SYTL3: variants seen among roughly 807,000 people sequenced by gnomAD.
SYTL3 encodes the protein synaptotagmin-like protein 3.
Under a neutral mutation model 82.1 loss-of-function variants are expected in SYTL3, and 88 were observed. The ratio of observed to expected loss-of-function variants is 1.07; its 90% CI spans 0.90 to 1.28. The LOEUF (loss-of-function observed/expected upper bound fraction) is 1.28, where lower values mean the gene tolerates loss of function less well. Ranked by LOEUF, SYTL3 falls within the 50% of genes most tolerant of loss-of-function variation. The pLI is 0.00. For synonymous variants in SYTL3, 311 were observed against 289.4 expected, an observed-to-expected ratio of 1.07 and a Z score of -0.76; for missense variants, 831 against 757.6, an observed-to-expected ratio of 1.10 and a Z score of -1.14.
intron 6 of SYTL3, among the ~76,000 whole-genome samples, chr6:158,683,313 T>C (rs1419456292): frequency 6.8e-6 from 1 of 147,314 alleles, no homozygotes; most frequent in Admixed American, 6.9e-5. Context: ...CTCCATCTCC[T>C]AGGTTTAAAC....
chr6:158,720,401 T>G, intron 10 of SYTL3, among the ~76,000 whole-genome samples: 1 of 111,782 alleles, frequency 8.9e-6, no homozygotes, highest in Non-Finnish European at 1.8e-5. Context: ...AGTGAAACTT[T>G]GTCTCAAAAA....
At chr6:158,718,325 T>C (rs1180622534) in intron 10 of SYTL3, 114 bp downstream of exon 10, 1 of 1,208,874 alleles carries the variant, frequency 8.3e-7, no homozygotes, top group Admixed American at 3.5e-5. Flanking sequence ...AGAAAAACAG[T>C]AAGCCATCAG....
chr6:158,738,343 A>G (rs1432756090), intron 11 of SYTL3, among the ~76,000 whole-genome samples: 5 of 152,152 alleles, frequency 3.3e-5, no homozygotes, highest in Non-Finnish European at 7.3e-5. Context: ...TTACTCTACC[A>G]AGAAAGAAAA....
At chr6:158,736,556 A>G (rs1186784160) in intron 11 of SYTL3, among the ~76,000 whole-genome samples, 4 of 152,026 alleles carry the variant, frequency 2.6e-5, no homozygotes, top group African/African-American at 9.7e-5. Context: ...TGGGAGGCCA[A>G]GGCGGGCGGA....
intron 6 of SYTL3, among the ~76,000 whole-genome samples, chr6:158,702,877 T>G (rs1337502473): frequency 4.0e-5 from 6 of 151,800 alleles, no homozygotes; most frequent in Non-Finnish European, 8.8e-5. Context: ...ATTGGGGGCC[T>G]GGCACAGTGG....
At chr6:158,719,515 C>G (rs557407310) in intron 10 of SYTL3, among the ~76,000 whole-genome samples, 2 of 152,350 alleles carry the variant, frequency 1.3e-5, no homozygotes, top group South Asian at 2.1e-4. Flanking sequence ...GTGAAGTTCT[C>G]AGACCACACT....
intron 4 of SYTL3, 69 bp downstream of exon 4, chr6:158,663,447 C>A: frequency 6.3e-7 from 1 of 1,576,696 alleles, no homozygotes; most frequent in East Asian, 2.3e-5. Context: ...GCCACTCCGT[C>A]GCCAATGCTG....
At chr6:158,703,691 A>G (rs1161603893) in intron 6 of SYTL3, among the ~76,000 whole-genome samples, 1 of 152,048 alleles carries the variant, frequency 6.6e-6, no homozygotes, top group African/African-American at 2.4e-5. Flanking sequence ...CTGTGTCTCT[A>G]GCAACCCCTG....
intron 5 of SYTL3, among the ~76,000 whole-genome samples, chr6:158,671,187 AGGGAATG>A (rs1777344207): frequency 6.6e-6 from 1 of 152,164 alleles, no homozygotes; most frequent in Non-Finnish European, 1.5e-5. Context: ...GTTTTACTAA[AGGGAATG>A]CTTTGACAAT....
rs568891181 is a variant in SYTL3 at position 158,759,939 on chromosome 6, T to C, written c.1309-701T>C. Reference sequence around the variant, plus strand: ...CATCAGCTGTTGTTAGTGTATTTTATGTGTGGCCCAAGACAATTCTTCCAG... The same window carrying C: ...CATCAGCTGTTGTTAGTGTATTTTACGTGTGGCCCAAGACAATTCTTCCAG... On this transcript the variant is annotated intron_variant, in intron 14 of 17. Transcript: ENST00000611299. Among the ~76,000 whole-genome samples the C allele has an allele frequency of 5.3e-5, 8 of 152,252 alleles. No homozygotes were observed. The East Asian group carries it at 1.5e-3, about 29-fold the overall frequency.
At chr6:158,753,127 G>T (rs1380545156) in intron 13 of SYTL3, among the ~76,000 whole-genome samples, 1 of 143,654 alleles carries the variant, frequency 7.0e-6, no homozygotes, top group East Asian at 2.0e-4. Context: ...GGTCGCCCAG[G>T]CTGGAGTGCA....
At chr6:158,659,811 G>A (rs1789142217) in intron 2 of SYTL3, among the ~76,000 whole-genome samples, 1 of 152,330 alleles carries the variant, frequency 6.6e-6, no homozygotes, top group African/African-American at 2.4e-5. Flanking sequence ...AGTGGTCACT[G>A]TTTTACTTCC....
intron 11 of SYTL3, among the ~76,000 whole-genome samples, chr6:158,739,416 T>C (rs1786637262): frequency 6.6e-6 from 1 of 152,220 alleles, no homozygotes; most frequent in Non-Finnish European, 1.5e-5. Flanking sequence ...TTTTAAAAAA[T>C]ATTTTCCTCT....
At chr6:158,729,353 G>A (rs1785117141) in intron 11 of SYTL3, among the ~76,000 whole-genome samples, 1 of 152,098 alleles carries the variant, frequency 6.6e-6, no homozygotes, top group Admixed American at 6.5e-5. Context: ...TGAAAAGGAT[G>A]GAAGGGCAAG....
intron 5 of SYTL3, among the ~76,000 whole-genome samples, chr6:158,668,311 C>A (rs1241013740): frequency 6.6e-6 from 1 of 151,638 alleles, no homozygotes; most frequent in East Asian, 1.9e-4. Context: ...CTCACTGCAA[C>A]CTCTGCCTCC....
rs1789276078 is a variant in SYTL3, at chr6:158,757,416, C to T, written c.1308+35C>T. ...GGTTTTGGACTGAGTGCCCTCCATCCCCACTGTGATAGATAAATAACTTTT... is the reference window on the plus strand; with the variant it reads ...GGTTTTGGACTGAGTGCCCTCCATCTCCACTGTGATAGATAAATAACTTTT... On this transcript the variant is annotated intron_variant, in intron 14 of 17. Coordinates refer to ENST00000611299, the MANE Select transcript of SYTL3 (RefSeq NM_001242394.2). The T allele has an allele frequency of 2.5e-6, 4 of 1,605,780 alleles. No homozygotes were observed. The East Asian group carries it at 8.9e-5, about 36-fold the overall frequency.
intron 10 of SYTL3, among the ~76,000 whole-genome samples, chr6:158,721,663 C>T (rs960510000): frequency 4.6e-5 from 7 of 151,864 alleles, no homozygotes; most frequent in African/African-American, 1.5e-4. Context: ...GACAGAGTCT[C>T]ATTCTGTTGC....
intron 8 of SYTL3, among the ~76,000 whole-genome samples, chr6:158,713,158 G>A (rs1270812782): frequency 1.3e-5 from 2 of 151,974 alleles, no homozygotes; most frequent in South Asian, 2.1e-4. Context: ...CAGTACCTAC[G>A]TGCTCATGAT....
intron 5 of SYTL3, among the ~76,000 whole-genome samples, chr6:158,677,694 A>G (rs1436410398): frequency 7.0e-6 from 1 of 142,708 alleles, no homozygotes. Context: ...GACAAGAATG[A>G]AACTCTGTCT....
Sources: gnomAD v4.1 joint callset for allele counts (sites outside exome capture counted in the v4.1 genomes callset) on GRCh38, gnomAD v4.1.1 for gene constraint, MANE v1.5 for transcripts, NCBI Gene and HGNC (gene_info 2026-07-23, HGNC 2026-07-21) for gene names.